Variants in ITPR1 observed in about 807,000 individuals in gnomAD.
The protein encoded by ITPR1 is inositol 1,4,5-trisphosphate receptor type 1.
In ITPR1, 96 loss-of-function variants were observed where a neutral mutation model predicts 318.4. That is an observed-to-expected ratio of 0.30 (90% CI 0.26 to 0.36). The LOEUF (loss-of-function observed/expected upper bound fraction) is 0.36. Among genes scored for constraint, ITPR1 ranks in the 10% least tolerant of loss-of-function variants. The pLI is 1.00. For missense variants in ITPR1, 2,440 were observed against 3,460.2 expected (o/e 0.71, Z 7.40); for synonymous variants, 1,312 against 1,289.9 (o/e 1.02, Z -0.37).
intron 5 of ITPR1, among the ~76,000 whole-genome samples, chr3:4,635,749 G>C (rs577338118): frequency 6.6e-6 from 1 of 152,290 alleles, no homozygotes; most frequent in East Asian, 1.9e-4. Context: ...AAACAGCCTT[G>C]ATCAGTGGCC....
At chr3:4,798,974 T>C (rs1306480908) in intron 53 of ITPR1, among the ~76,000 whole-genome samples, 3 of 152,252 alleles carry the variant, frequency 2.0e-5, no homozygotes, top group South Asian at 2.1e-4. Context: ...AGGAGACTTT[T>C]AGAGTGATAA....
chr3:4,634,601 C>A (rs9818111), intron 5 of ITPR1, among the ~76,000 whole-genome samples: 26,976 of 152,128 alleles, frequency 0.18, 5,158 homozygotes, highest in African/African-American at 0.48. Flanking sequence ...ATTCCAAAAT[C>A]TGTGAGTAGG....
chr3:4,812,601 C>T (rs988137274), intron 56 of ITPR1, among the ~76,000 whole-genome samples: 1 of 152,172 alleles, frequency 6.6e-6, no homozygotes, highest in African/African-American at 2.4e-5. Flanking sequence ...TGAAATACTA[C>T]TGGTTTTTCA....
chr3:4,509,323 G>A (rs1390574152), intron 2 of ITPR1, among the ~76,000 whole-genome samples: 3 of 152,358 alleles, frequency 2.0e-5, no homozygotes, highest in African/African-American at 7.2e-5. Context: ...TTTTGGACAT[G>A]TGGAGGGGAT....
chr3:4,671,656 T>TGAAGG (rs1431559469), intron 20 of ITPR1: 1 of 152,172 alleles, frequency 6.6e-6, no homozygotes, highest in South Asian at 2.1e-4. Flanking sequence ...TCCTGCCACC[T>TGAAGG]GAAGGGAAGG....
chr3:4,814,588 G>T, intron 58 of ITPR1, 26 bp downstream of exon 58: 1 of 1,404,694 alleles, frequency 7.1e-7, no homozygotes, highest in Non-Finnish European at 9.9e-7. Flanking sequence ...GGGGAAGGAA[G>T]GGCAAAGGGG....
At chr3:4,829,964 TTTTTTTTTTTTTTTTG>T (rs1019986453) in intron 60 of ITPR1, among the ~76,000 whole-genome samples, 1 of 99,120 alleles carries the variant, frequency 1.0e-5, no homozygotes, top group Admixed American at 1.1e-4. Context: ...GTTTTTTTTT[TTTTTTTTTTTTTTTTG>T]TGTGTGTGTG....
intron 60 of ITPR1, chr3:4,825,670 C>T: frequency 2.2e-6 from 1 of 452,898 alleles, no homozygotes. Flanking sequence ...TTAACAAGGG[C>T]AAAAGATCAA....
At chr3:4,508,793 G>A (rs892480480) in intron 2 of ITPR1, among the ~76,000 whole-genome samples, 12 of 152,152 alleles carry the variant, frequency 7.9e-5, no homozygotes, top group South Asian at 2.1e-4. Context: ...GTTAGAAGGC[G>A]GGGGAGTTGA....
intron 5 of ITPR1, among the ~76,000 whole-genome samples, chr3:4,639,076 C>T (rs1162415401): frequency 6.6e-6 from 1 of 152,170 alleles, no homozygotes; most frequent in Non-Finnish European, 1.5e-5. Flanking sequence ...TCCCTCCCTC[C>T]CCGACCCTAT....
rs1211109997 is a variant in ITPR1 at position 4,535,426 on chromosome 3, CTTTTTTTTTTTTTTAAT to C, written c.163+14347_163+14363del. The stretch of plus-strand genomic sequence containing the variant: ...ACTTTATGTGAAGGAAAATTATTTT[CTTTTTTTTTTTTTTAAT>C]TTTTTTTTTTTTTTTTTGAGACGGA... On this transcript the variant is annotated intron_variant, in intron 4 of 61. Coordinates refer to ENST00000649015, the MANE Select transcript of ITPR1 (RefSeq NM_001378452.1). 1.4e-3 allele frequency among the ~76,000 whole-genome samples: 160 copies of C among 112,264 alleles called. 1 individual carries two copies. The highest frequency in any genetic ancestry group is 1.5e-3 in the Non-Finnish European group (77 of 51,630). The allele number at this position is 112,264 out of a possible 152,430, so 73.6% of individuals were successfully genotyped here.
rs189933071 is a variant in ITPR1, at chr3:4,674,387, G to T, written c.2598+44G>T. 354 of 1,530,182 alleles carry T rather than the reference G, an allele frequency of 2.3e-4. 2 individuals are homozygous for T. In the African/African-American group the frequency reaches 3.8e-3, roughly 17 times the overall value. The allele number at this position is 1,530,182 out of a possible 1,614,324, so 94.8% of individuals were successfully genotyped here. On this transcript the variant is annotated intron_variant, in intron 22 of 61. Coordinates refer to ENST00000649015, the MANE Select transcript of ITPR1 (RefSeq NM_001378452.1). ...TTCTATGTGTATTATCTGCCTCTCA[G>T]TGGTCATTTTTCTATGGGGCAAATA...
chr3:4,786,541 A>T (rs1224124496), intron 51 of ITPR1, among the ~76,000 whole-genome samples: 5 of 152,230 alleles, frequency 3.3e-5, no homozygotes, highest in African/African-American at 1.2e-4. Flanking sequence ...AGCACGTTGC[A>T]TCCTGGGCCT....
chr3:4,811,287 A>C lies in ITPR1; in HGVS notation c.7295A>C (p.Glu2432Ala). 1 of 1,600,246 alleles carries C rather than the reference A, an allele frequency of 6.2e-7. No homozygotes were observed. Among genetic ancestry groups the C allele is most frequent in the Non-Finnish European group, 8.5e-7 (1 of 1,172,920 alleles). Residue 2432 changes from glutamate (E) to alanine (A), a missense_variant, in exon 56 of 62, where the codon GAA (glutamate) becomes GCA (alanine). Physicochemically the swap from Glu to Ala is moderately radical, Grantham distance 107. Coordinates refer to ENST00000649015, the MANE Select transcript of ITPR1 (RefSeq NM_001378452.1). ...SLLLFDLVYR[E>A]ETLLNVIKSV... is the part of the protein sequence containing the mutation. ...AAGCTTTTTGATTTAGTGTACAGAG[A>C]AGAGACTTTGCTTAATGTCATTAAA...
At chr3:4,496,980 T>C (rs1181976892) in intron 2 of ITPR1, among the ~76,000 whole-genome samples, 1 of 152,228 alleles carries the variant, frequency 6.6e-6, no homozygotes, top group Non-Finnish European at 1.5e-5. Context: ...CCAGTGTCTA[T>C]CTTGTTTACT....
intron 4 of ITPR1, among the ~76,000 whole-genome samples, chr3:4,532,177 T>C (rs1453126628): frequency 6.6e-6 from 1 of 152,148 alleles, no homozygotes; most frequent in African/African-American, 2.4e-5. Context: ...CCTGTCTCCC[T>C]AAGGCTTTGC....
chr3:4,730,329 A>G (rs2042824517), intron 42 of ITPR1, among the ~76,000 whole-genome samples: 1 of 150,214 alleles, frequency 6.7e-6, no homozygotes, highest in South Asian at 2.1e-4. Flanking sequence ...ATGTGCCAAA[A>G]ACCTTATAAT....
At chr3:4,508,329 C>G (rs1298368196) in intron 2 of ITPR1, among the ~76,000 whole-genome samples, 1 of 152,148 alleles carries the variant, frequency 6.6e-6, no homozygotes, top group Non-Finnish European at 1.5e-5. Flanking sequence ...CCTCCCAAGC[C>G]TGTCCACCCT....
chr3:4,510,787 T>C (rs184987993), intron 2 of ITPR1, among the ~76,000 whole-genome samples: 1 of 152,236 alleles, frequency 6.6e-6, no homozygotes, highest in East Asian at 1.9e-4. Flanking sequence ...TTTAACTTCA[T>C]CTGAGGGGAT....
Sources: gnomAD v4.1 joint callset for allele counts (sites outside exome capture counted in the v4.1 genomes callset) on GRCh38, gnomAD v4.1.1 for gene constraint, MANE v1.5 for transcripts, NCBI Gene and HGNC (gene_info 2026-07-23, HGNC 2026-07-21) for gene names.